The following NRXN3 variants were observed in gnomAD, a reference collection of about 807,000 sequenced individuals.
NRXN3 encodes neurexin III.
Under a neutral mutation model 137.6 loss-of-function variants are expected in NRXN3, and 32 were observed. The observed-to-expected ratio is 0.23, with a 90% CI of 0.18 to 0.31. NRXN3 has a LOEUF of 0.31. Ranked by LOEUF, NRXN3 falls within the 10% of genes least tolerant of loss-of-function variation. The pLI is 1.00. For missense variants in NRXN3, 1,574 were observed against 2,062.5 expected (o/e 0.76, Z 4.59); for synonymous variants, 798 against 784.5 (o/e 1.02, Z -0.29).
chr14:79,398,847 T>G (rs2095103042), intron 15 of NRXN3, among the ~76,000 whole-genome samples: 1 of 151,524 alleles, frequency 6.6e-6, no homozygotes, highest in Non-Finnish European at 1.5e-5. Context: ...CTGTCTCTAC[T>G]AAAAATACAA....
At chr14:78,789,385 T>A (rs2098798724) in intron 8 of NRXN3, among the ~76,000 whole-genome samples, 1 of 152,158 alleles carries the variant, frequency 6.6e-6, no homozygotes, top group Admixed American at 6.6e-5. Flanking sequence ...TGTCTGGAGA[T>A]GCTTTCGGTT....
chr14:78,790,090 T>C (rs1041096729), intron 8 of NRXN3, among the ~76,000 whole-genome samples: 7 of 152,214 alleles, frequency 4.6e-5, no homozygotes, highest in African/African-American at 1.7e-4. Flanking sequence ...AATTGTGTTA[T>C]GTTTAATTTG....
chr14:79,858,942 G>A (rs1194743475), intron 20 of NRXN3, among the ~76,000 whole-genome samples: 1 of 141,736 alleles, frequency 7.1e-6, no homozygotes, highest in Non-Finnish European at 1.5e-5. Context: ...CATTAAATAA[G>A]TTGTAAGGCA....
intron 2 of NRXN3, among the ~76,000 whole-genome samples, chr14:78,256,406 CA>C (rs1019929735): frequency 1.3e-5 from 2 of 152,242 alleles, no homozygotes; most frequent in Non-Finnish European, 2.9e-5. Context: ...ACAACTTTGG[CA>C]AGCTCTGTTC....
chr14:79,690,897 T>C (rs1489513654), intron 17 of NRXN3, among the ~76,000 whole-genome samples: 1 of 152,144 alleles, frequency 6.6e-6, no homozygotes, highest in East Asian at 1.9e-4. Flanking sequence ...GCTTTTAGAA[T>C]TCTTTGTAAA....
intron 19 of NRXN3, among the ~76,000 whole-genome samples, chr14:79,728,863 G>A (rs933874239): frequency 6.6e-6 from 1 of 152,200 alleles, no homozygotes; most frequent in Admixed American, 6.5e-5. Context: ...ATCGGAAAGG[G>A]AAAGGGAGGT....
chr14:78,526,393 T>G (rs2096380083), intron 4 of NRXN3, among the ~76,000 whole-genome samples: 1 of 152,216 alleles, frequency 6.6e-6, no homozygotes, highest in South Asian at 2.1e-4. Context: ...GGCTTTCTCA[T>G]GTCAACATGA....
intron 15 of NRXN3, among the ~76,000 whole-genome samples, chr14:79,125,714 C>T (rs1652270390): frequency 1.3e-5 from 2 of 152,278 alleles, no homozygotes; most frequent in Middle Eastern, 6.8e-3. Flanking sequence ...CTGAATTAGT[C>T]TTAGCCCAGT....
chr14:79,237,293 C>G (rs553538338), intron 15 of NRXN3, among the ~76,000 whole-genome samples: 32 of 152,080 alleles, frequency 2.1e-4, no homozygotes, highest in African/African-American at 7.5e-4. Flanking sequence ...TTGTAAGGAC[C>G]TAATAGCTAG....
intron 15 of NRXN3, among the ~76,000 whole-genome samples, chr14:79,158,091 G>C (rs988090168): frequency 1.3e-5 from 2 of 151,668 alleles, no homozygotes; most frequent in African/African-American, 2.4e-5. Flanking sequence ...ACATGGCCTT[G>C]TATTTTTAAC....
intron 10 of NRXN3, among the ~76,000 whole-genome samples, chr14:78,854,395 C>T (rs1332664495): frequency 6.6e-6 from 1 of 151,600 alleles, no homozygotes; most frequent in African/African-American, 2.4e-5. Context: ...TTTTTAATTG[C>T]ACAAAATTCT....
intron 15 of NRXN3, among the ~76,000 whole-genome samples, chr14:78,989,797 C>G (rs965310660): frequency 6.6e-6 from 1 of 152,148 alleles, no homozygotes. Context: ...ATATACGTCC[C>G]TTTCTGGGTA....
chr14:79,557,539 C>T (rs1200204524), intron 16 of NRXN3, among the ~76,000 whole-genome samples: 3 of 152,076 alleles, frequency 2.0e-5, no homozygotes, highest in Admixed American at 6.6e-5. Context: ...CAAATTTTTT[C>T]GTTTCCCAGT....
intron 15 of NRXN3, among the ~76,000 whole-genome samples, chr14:79,121,846 G>A (rs376325097): frequency 6.6e-5 from 10 of 152,214 alleles, no homozygotes; most frequent in East Asian, 3.8e-4. Flanking sequence ...GAAGGCTGGA[G>A]TTATGAACCA....
intron 6 of NRXN3, among the ~76,000 whole-genome samples, chr14:78,665,768 C>T (rs765153743): frequency 6.6e-6 from 1 of 152,080 alleles, no homozygotes; most frequent in Non-Finnish European, 1.5e-5. Context: ...CAAGAAAAGT[C>T]CAGGAGGCGA....
At chr14:79,230,107 C>A (rs943763664) in intron 15 of NRXN3, among the ~76,000 whole-genome samples, 18 of 152,234 alleles carry the variant, frequency 1.2e-4, no homozygotes, top group African/African-American at 4.3e-4. Context: ...TGAGCCTGAG[C>A]ATTTCAAAGT....
chr14:79,448,846 C>T (rs1206264886), intron 15 of NRXN3, among the ~76,000 whole-genome samples: 9 of 152,166 alleles, frequency 5.9e-5, no homozygotes, highest in South Asian at 2.1e-4. Flanking sequence ...TTTGGGGACC[C>T]GTGTCCAAGC....
chr14:79,013,984 G>A (rs956275084), intron 15 of NRXN3, among the ~76,000 whole-genome samples: 2 of 152,100 alleles, frequency 1.3e-5, no homozygotes, highest in African/African-American at 4.8e-5. Context: ...CTGAATCAAA[G>A]GTTCTTCTCT....
intron 19 of NRXN3, among the ~76,000 whole-genome samples, chr14:79,741,819 C>CAT (rs1200242743): frequency 6.6e-6 from 1 of 151,912 alleles, no homozygotes; most frequent in Non-Finnish European, 1.5e-5. Context: ...CACACACACA[C>CAT]ACACACACAC....
Sources: allele counts gnomAD v4.1 joint callset (sites outside exome capture counted in the v4.1 genomes callset), GRCh38; gene constraint gnomAD v4.1.1; transcripts MANE v1.5; gene names NCBI Gene and HGNC (gene_info 2026-07-23, HGNC 2026-07-21).